PPARGC1A: variants seen among roughly 807,000 people sequenced by gnomAD.
The protein encoded by PPARGC1A is PPARG coactivator 1 alpha, also known as peroxisome proliferator-activated receptor gamma coactivator 1-alpha.
A neutral mutation model predicts 88.7 loss-of-function variants in PPARGC1A; 25 were observed. The ratio of observed to expected loss-of-function variants is 0.28; its 90% CI spans 0.21 to 0.39. The LOEUF (loss-of-function observed/expected upper bound fraction) is 0.39. Among genes scored for constraint, PPARGC1A ranks in the 10% least tolerant of loss-of-function variants. The pLI, the probability that PPARGC1A is intolerant of heterozygous loss-of-function variation, is 1.00. For synonymous variants in PPARGC1A, 363 were observed against 355.6 expected, an observed-to-expected ratio of 1.02 and a Z score of -0.24; for missense variants, 880 against 968.7, an observed-to-expected ratio of 0.91 and a Z score of 1.22.
the PPARGC1A span, among the ~76,000 whole-genome samples, chr4:24,194,875 C>T: frequency 6.6e-6 from 1 of 152,222 alleles, no homozygotes; most frequent in East Asian, 1.9e-4. Context: ...AAATCTTTTC[C>T]AGCATACTTT....
chr4:24,390,781 T>C, the PPARGC1A span, among the ~76,000 whole-genome samples: 1 of 152,024 alleles, frequency 6.6e-6, no homozygotes, highest in Non-Finnish European at 1.5e-5. Flanking sequence ...CTTTTTTAAA[T>C]AGTAAGTGGA....
chr4:24,007,608 G>C, the PPARGC1A span, among the ~76,000 whole-genome samples: 1 of 152,096 alleles, frequency 6.6e-6, no homozygotes, highest in East Asian at 1.9e-4. Flanking sequence ...GGATCCAAAG[G>C]TTTTTTGGCA....
chr4:24,121,566 G>A, the PPARGC1A span, among the ~76,000 whole-genome samples: 604 of 152,202 alleles, frequency 4.0e-3, 13 homozygotes, highest in East Asian at 0.072. Flanking sequence ...CACTCCTGCC[G>A]GTTCTAGGCA....
At chr4:24,354,882 CAAAAA>C in the PPARGC1A span, among the ~76,000 whole-genome samples, 1 of 133,622 alleles carries the variant, frequency 7.5e-6, no homozygotes, top group Non-Finnish European at 1.7e-5. Flanking sequence ...GCAAGACTGT[CAAAAA>C]AAACAAAAAC....
the PPARGC1A span, among the ~76,000 whole-genome samples, chr4:24,404,979 A>G: frequency 6.6e-6 from 1 of 152,112 alleles, no homozygotes; most frequent in African/African-American, 2.4e-5. Context: ...CACACTTTCA[A>G]AAGGTCACTT....
the PPARGC1A span, among the ~76,000 whole-genome samples, chr4:24,221,139 C>T: frequency 9.2e-5 from 14 of 152,052 alleles, no homozygotes; most frequent in South Asian, 1.0e-3. Context: ...GAGAATGAGA[C>T]GGGGAGTCAC....
chr4:24,103,402 C>T, the PPARGC1A span, among the ~76,000 whole-genome samples: 19 of 151,112 alleles, frequency 1.3e-4, no homozygotes, highest in South Asian at 4.2e-4. Flanking sequence ...CCACCCAAAA[C>T]GAATGGAAAT....
the PPARGC1A span, among the ~76,000 whole-genome samples, chr4:24,012,159 C>T: frequency 6.6e-6 from 1 of 152,086 alleles, no homozygotes; most frequent in Non-Finnish European, 1.5e-5. Context: ...GAATCTTAGA[C>T]ACCAAGAAAT....
At chr4:24,339,178 T>A in the PPARGC1A span, among the ~76,000 whole-genome samples, 1 of 147,302 alleles carries the variant, frequency 6.8e-6, no homozygotes. Flanking sequence ...GCACACTGTC[T>A]TCAAGGTTCA....
chr4:23,831,858 AT>A lies in PPARGC1A; in HGVS notation c.235-108del, dbSNP rs1184292934. 3 of 873,578 alleles carry A rather than the reference AT, an allele frequency of 3.4e-6. No individual in the cohort carries two copies. The South Asian group carries it at 4.7e-5, about 14-fold the overall frequency. 54.1% of individuals were successfully genotyped at this position (873,578 alleles called of 1,614,324 possible). A position where few individuals can be genotyped will look rare whatever the true frequency, so the allele number is the denominator to read the frequency against. ...GAGTGAACCATACGTGAAATCTAGA[AT>A]GCCCATTCCAGAACACAAAGATCAT... On this transcript the variant is annotated intron_variant, in intron 2 of 12. Transcript: ENST00000264867.
At chr4:24,330,998 C>A in the PPARGC1A span, among the ~76,000 whole-genome samples, 1 of 152,224 alleles carries the variant, frequency 6.6e-6, no homozygotes. Flanking sequence ...TGCCCTTCCT[C>A]CAAATTCCTG....
At chr4:23,983,107 G>C in the PPARGC1A span, among the ~76,000 whole-genome samples, 2 of 151,874 alleles carry the variant, frequency 1.3e-5, no homozygotes, top group African/African-American at 4.8e-5. Flanking sequence ...ACTGACCTTT[G>C]ACCTATAAAA....
the PPARGC1A span, among the ~76,000 whole-genome samples, chr4:24,389,277 T>C: frequency 6.6e-6 from 1 of 152,154 alleles, no homozygotes; most frequent in East Asian, 1.9e-4. Flanking sequence ...AACATTTCCA[T>C]GGAAACTGAA....
chr4:24,143,442 C>T, the PPARGC1A span, among the ~76,000 whole-genome samples: 1 of 152,108 alleles, frequency 6.6e-6, no homozygotes, highest in African/African-American at 2.4e-5. Context: ...GGAAGGTCTC[C>T]CTGAGGAGAT....
intron 1 of PPARGC1A, among the ~76,000 whole-genome samples, chr4:23,885,837 A>G (rs974613595): frequency 2.0e-5 from 3 of 152,216 alleles, no homozygotes; most frequent in Non-Finnish European, 4.4e-5. Context: ...TAATTTCTAC[A>G]TATTGAGAGG....
the PPARGC1A span, among the ~76,000 whole-genome samples, chr4:24,387,890 GAAAGAA>G: frequency 4.6e-5 from 5 of 109,254 alleles, no homozygotes; most frequent in African/African-American, 1.4e-4. Flanking sequence ...AAGAAAGAAA[GAAAGAA>G]AAAGAAAGAG....
chr4:23,884,709 C>T (rs1360926401), intron 2 of PPARGC1A, 43 bp downstream of exon 2: 1 of 1,568,888 alleles, frequency 6.4e-7, no homozygotes. Flanking sequence ...CGGGCCCAAG[C>T]CAAACTCAAT....
the PPARGC1A span, among the ~76,000 whole-genome samples, chr4:24,329,144 A>G: frequency 6.6e-6 from 1 of 152,244 alleles, no homozygotes; most frequent in South Asian, 2.1e-4. Flanking sequence ...AGACTGACCC[A>G]GGGTGAGAAT....
At chr4:23,873,220 A>AAC in intron 2 of PPARGC1A, among the ~76,000 whole-genome samples, 1 of 144,300 alleles carries the variant, frequency 6.9e-6, no homozygotes, top group East Asian at 2.0e-4. Context: ...TAAAAAATAA[A>AAC]AAATAAAGAA....
Sources: allele counts gnomAD v4.1 joint callset (sites outside exome capture counted in the v4.1 genomes callset), GRCh38; gene constraint gnomAD v4.1.1; transcripts MANE v1.5; gene names NCBI Gene and HGNC (gene_info 2026-07-23, HGNC 2026-07-21).